ACSM1: variants seen among roughly 807,000 people sequenced by gnomAD.
ACSM1 encodes acyl-coenzyme A synthetase ACSM1, mitochondrial.
In ACSM1, 79 loss-of-function variants were observed where a neutral mutation model predicts 75.8. That is an observed-to-expected ratio of 1.04 (90% CI 0.87 to 1.26). The LOEUF (loss-of-function observed/expected upper bound fraction) is 1.26, where lower values mean the gene tolerates loss of function less well. Ranked by LOEUF, ACSM1 falls within the 50% of genes most tolerant of loss-of-function variation. ACSM1 has a pLI of 0.00. For synonymous variants in ACSM1, 279 were observed against 265.8 expected (o/e 1.05, Z -0.48); for missense variants, 676 against 720.1 (o/e 0.94, Z 0.70).
rs542433573 is a variant in ACSM1 at position 20,655,613 on chromosome 16, T to A, written c.992+6181A>T. Among the ~76,000 whole-genome samples the A allele has an allele frequency of 2.6e-5, 4 of 152,230 alleles. No homozygotes were observed. The South Asian group carries it at 8.3e-4, about 32-fold the overall frequency. On this transcript the variant is annotated intron_variant, in intron 7 of 13. Coordinates refer to ENST00000520010, the MANE Select transcript of ACSM1 (RefSeq NM_001318890.3). ...TTTTAAAAATGCAGTAGTACAAAAC[T>A]AATTGGTTAAAGCAAGATTTTATTA...
At chr16:20,674,008 G>C (rs1222156535) in intron 4 of ACSM1, 1 of 405,986 alleles carries the variant, frequency 2.5e-6, no homozygotes, top group Non-Finnish European at 5.0e-6. Flanking sequence ...GCAAAACAGT[G>C]ACATAAGTGA....
At chr16:20,650,846 C>T (rs1229304474) in intron 7 of ACSM1, among the ~76,000 whole-genome samples, 1 of 152,050 alleles carries the variant, frequency 6.6e-6, no homozygotes, top group Non-Finnish European at 1.5e-5. Flanking sequence ...TTCCTAAGGT[C>T]GACCTGCAGA....
intron 6 of ACSM1, among the ~76,000 whole-genome samples, chr16:20,667,756 C>T (rs993190137): frequency 7.9e-5 from 12 of 152,106 alleles, no homozygotes; most frequent in African/African-American, 2.4e-4. Context: ...ACCTAGGTGC[C>T]CATCAATGGT....
chr16:20,657,497 C>G (rs571650997), intron 7 of ACSM1, among the ~76,000 whole-genome samples: 255 of 152,102 alleles, frequency 1.7e-3, no homozygotes, highest in African/African-American at 6.0e-3. Flanking sequence ...TTAATAGAGA[C>G]AGGGTTTCAC....
chr16:20,695,890 T>A (rs1213394611), intron 1 of ACSM1, among the ~76,000 whole-genome samples: 1 of 152,330 alleles, frequency 6.6e-6, no homozygotes, highest in South Asian at 2.1e-4. Flanking sequence ...TACATTAATA[T>A]TAATGTCTAT....
Position 20,676,984 on chromosome 16 carries a change from A to G in ACSM1, c.611+5272T>C, listed in dbSNP as rs889357051. On this transcript the variant is annotated intron_variant, in intron 4 of 13. Transcript: ENST00000520010. ...GAAAAAAGCTCAAATCTGCTCTAAA[A>G]GTCTCCAGTATTTAAGCCTTTATAT... Among the ~76,000 whole-genome samples, 9 of 152,146 alleles carry G rather than the reference A, an allele frequency of 5.9e-5. No homozygotes were observed. The East Asian group carries it at 7.7e-4, about 13-fold the overall frequency.
At chr16:20,662,541 G>C (rs1355911173) in intron 6 of ACSM1, among the ~76,000 whole-genome samples, 1 of 152,182 alleles carries the variant, frequency 6.6e-6, no homozygotes, top group Admixed American at 6.6e-5. Flanking sequence ...GATACACTAA[G>C]AGAGTGAAGA....
Position 20,682,286 on chromosome 16 carries a change from TC to T in ACSM1, c.580del (p.Glu194LysfsTer64), listed in dbSNP as rs950231230. ...TKLLVSDHSREGWLDFRSLVK... is the reference protein window; with the variant it reads ...TKLLVSDHSRXGWLDFRSLVK... ...CAGCGATCGGAAGTCCAGCCACCCT[TC>T]ACGGCTGTGATCAGACACCAGGAGC... On this transcript the variant is annotated frameshift_variant, in exon 4 of 14. Transcript: ENST00000520010. LOFTEE classifies it high-confidence loss of function. 2.5e-6 allele frequency: 4 copies of T among 1,613,466 alleles called. No homozygotes were observed. The African/African-American group carries it at 5.3e-5, about 22-fold the overall frequency.
In ACSM1 at chr16:20,685,259, G is replaced by T. The variant is rs767544244; in HGVS notation, c.337C>A (p.His113Asn). The change falls in exon 3 of 14, where the codon CAT becomes AAT. Residue 113 changes from histidine (H) to asparagine (N), a missense_variant. Physicochemically the swap from His to Asn is moderately conservative, Grantham distance 68. Transcript: ENST00000520010. ...ACTCGAGGCAGCATCAAGGCCAGAT[G>T]GTCTCCCTGTTGTAGGCCACAGGTC... is the stretch of plus-strand genomic sequence containing the variant. ...TQTCGLQQGDHLALMLPRVPE... is the reference protein window; with the variant it reads ...TQTCGLQQGDNLALMLPRVPE... 7.4e-6 allele frequency: 12 copies of T among 1,614,180 alleles called. No homozygotes were observed. The highest frequency in any genetic ancestry group is 1.0e-5 in the Non-Finnish European group (12 of 1,180,036).
At chr16:20,696,934 A>C (rs1041463640) in intron 1 of ACSM1, among the ~76,000 whole-genome samples, 1 of 152,216 alleles carries the variant, frequency 6.6e-6, no homozygotes, top group Non-Finnish European at 1.5e-5. Flanking sequence ...ACTTAAGCGC[A>C]CAGTAGTAAT....
chr16:20,651,207 C>T (rs2018626596), intron 7 of ACSM1, among the ~76,000 whole-genome samples: 1 of 152,112 alleles, frequency 6.6e-6, no homozygotes, highest in Admixed American at 6.6e-5. Flanking sequence ...CTGACAACTG[C>T]CTAGGGTAAG....
rs1415750952 is a variant in ACSM1, at chr16:20,637,403, T to C, written c.1165A>G (p.Met389Val). Residue 389 changes from methionine (M) to valine (V), a missense_variant, in exon 9 of 14, where the codon ATG (methionine) becomes GTG (valine). Met to Val is a conservative substitution (Grantham distance 21). Coordinates refer to ENST00000520010, the MANE Select transcript of ACSM1 (RefSeq NM_001318890.3). ...YWGMKIKPGF[M>V]GKATPPYDVQ... ...TCGTAGGGTGGAGTGGCCTTCCCCA[T>C]GAAACCCGGCTTGATCTTCATTCCC... The C allele has an allele frequency of 1.2e-6, 2 of 1,614,098 alleles. No homozygotes were observed. Among genetic ancestry groups the C allele is most frequent in the East Asian group, 2.2e-5 (1 of 44,870 alleles).
intron 6 of ACSM1, among the ~76,000 whole-genome samples, chr16:20,669,382 A>T (rs2019752470): frequency 6.6e-6 from 1 of 151,888 alleles, no homozygotes; most frequent in South Asian, 2.1e-4. Flanking sequence ...TGGGATAAGA[A>T]GCTAGATCTG....
At chr16:20,691,432 G>T (rs1293384934) in intron 1 of ACSM1, among the ~76,000 whole-genome samples, 193 bp from the exon 2 acceptor site, 5 of 152,126 alleles carry the variant, frequency 3.3e-5, no homozygotes, top group East Asian at 1.9e-4. Flanking sequence ...CGCTGGGGAG[G>T]TTATATAGCT....
chr16:20,682,468 GGATGAGAAAGGAACT>G lies in ACSM1; in HGVS notation c.404-20_404-6del. The G allele has an allele frequency of 6.2e-7, 1 of 1,611,278 alleles. No individual in the cohort carries two copies. The highest frequency in any genetic ancestry group is 1.1e-5 in the South Asian group (1 of 90,676). ...TCGCAGGAATGAAGATGATCCCTGG[GGATGAGAAAGGAACT>G]GATTGTTTTGGTTTCTTTTTCACAA... On this transcript the variant is annotated splice_region_variant and splice_polypyrimidine_tract_variant and intron_variant, in intron 3 of 13. Transcript: ENST00000520010.
chr16:20,669,353 T>C (rs755320841), intron 6 of ACSM1, among the ~76,000 whole-genome samples: 19 of 152,002 alleles, frequency 1.2e-4, no homozygotes, highest in Non-Finnish European at 2.5e-4. Context: ...GTATGTAACC[T>C]GCTAGTTAAT....
chr16:20,685,120 G>A, intron 3 of ACSM1, 73 bp downstream of exon 3: 2 of 1,521,382 alleles, frequency 1.3e-6, no homozygotes, highest in Non-Finnish European at 1.8e-6. Context: ...TGGGTGCACA[G>A]CACCTAATAT....
At chr16:20,656,065 G>A (rs1162712324) in intron 7 of ACSM1, among the ~76,000 whole-genome samples, 1 of 152,162 alleles carries the variant, frequency 6.6e-6, no homozygotes. Context: ...AAAAGGCTTT[G>A]AAGGACGGCT....
Position 20,623,466 on chromosome 16 carries a change from C to T in ACSM1, c.*20G>A, listed in dbSNP as rs781275965. 7 of 1,609,304 alleles carry T rather than the reference C, an allele frequency of 4.3e-6. No individual in the cohort carries two copies. The highest frequency in any genetic ancestry group is 1.3e-5 in the African/African-American group (1 of 74,932). On this transcript the variant is annotated 3_prime_UTR_variant, in exon 14 of 14. Coordinates refer to ENST00000520010, the MANE Select transcript of ACSM1 (RefSeq NM_001318890.3). ...AGGGATTTGCCTTAGGTGTGCAGTG[C>T]GTTCTGAGTTCACTGCCGATTACAT...
Sources: gnomAD v4.1 joint callset for allele counts (sites outside exome capture counted in the v4.1 genomes callset) on GRCh38, gnomAD v4.1.1 for gene constraint, MANE v1.5 for transcripts, NCBI Gene and HGNC (gene_info 2026-07-23, HGNC 2026-07-21) for gene names.